The following PECAM1 variants were observed in gnomAD, a reference collection of about 807,000 sequenced individuals.
PECAM1 encodes platelet endothelial cell adhesion molecule.
Under a neutral mutation model 13.8 loss-of-function variants are expected in PECAM1, and 8 were observed. The observed-to-expected ratio is 0.58, with a 90% CI of 0.34 to 1.05. PECAM1 has a LOEUF of 1.05. Among genes scored for constraint, PECAM1 ranks in the 50% least tolerant of loss-of-function variants. The pLI, the probability that PECAM1 is intolerant of heterozygous loss-of-function variation, is 0.03. For missense variants in PECAM1, 304 were observed against 141.2 expected, an observed-to-expected ratio of 2.15 and a Z score of -5.84; for synonymous variants, 136 against 52.6, an observed-to-expected ratio of 2.58 and a Z score of -6.86.
At position 64,348,796 on chromosome 17, in the gene PECAM1, C is replaced by T. The variant is rs1318974295; in HGVS notation, c.2045-474G>A. Among the ~76,000 whole-genome samples, 27 of 152,216 alleles carry T rather than the reference C, an allele frequency of 1.8e-4. 1 individual carries two copies. The highest frequency in any genetic ancestry group is 6.5e-4 in the African/African-American group (27 of 41,556). On this transcript the variant is annotated intron_variant, in intron 12 of 15. Coordinates refer to ENST00000563924, the MANE Select transcript of PECAM1 (RefSeq NM_000442.5). ...TTTTGAGGGGGCAGCCAGACACAGGCTTAATTCCATTCGGGATGAGGAAGG... is the reference window on the plus strand; with the variant it reads ...TTTTGAGGGGGCAGCCAGACACAGGTTTAATTCCATTCGGGATGAGGAAGG...
At chr17:64,384,778 A>T (rs2036557877) in intron 2 of PECAM1, among the ~76,000 whole-genome samples, 1 of 152,266 alleles carries the variant, frequency 6.6e-6, no homozygotes, top group East Asian at 1.9e-4. Flanking sequence ...AAACTTCAGG[A>T]TAATAAATCT....
At chr17:64,376,330 A>G (rs1307624344) in intron 3 of PECAM1, among the ~76,000 whole-genome samples, 3 of 151,734 alleles carry the variant, frequency 2.0e-5, no homozygotes, top group African/African-American at 7.3e-5. Context: ...ATAAATAAAT[A>G]AATAAATAAA....
chr17:64,328,012 C>G (rs1249449163), intron 15 of PECAM1, among the ~76,000 whole-genome samples: 1 of 152,242 alleles, frequency 6.6e-6, no homozygotes, highest in Admixed American at 6.5e-5. Flanking sequence ...TTCCCAACGG[C>G]TGGAAACCCT....
At chr17:64,356,058 G>T in intron 8 of PECAM1, 53 bp downstream of exon 8, 1 of 474,866 alleles carries the variant, frequency 2.1e-6, no homozygotes. Flanking sequence ...TGTGTTTTCT[G>T]GTCTTGCCCT....
intron 7 of PECAM1, among the ~76,000 whole-genome samples, chr17:64,358,594 A>G (rs1403561389): frequency 6.6e-6 from 1 of 152,104 alleles, no homozygotes; most frequent in Non-Finnish European, 1.5e-5. Context: ...CTAAATTACT[A>G]TCACCATCAC....
intron 14 of PECAM1, among the ~76,000 whole-genome samples, chr17:64,333,675 T>C (rs4130374): frequency 0.067 from 9,791 of 146,172 alleles, 362 homozygotes; most frequent in Middle Eastern, 0.092. Context: ...TTGTAAAAAG[T>C]AAAAAAAAAA....
At chr17:64,329,838 G>C (rs1418188816) in intron 14 of PECAM1, 116 bp from the exon 15 acceptor site, 48 of 712,882 alleles carry the variant, frequency 6.7e-5, no homozygotes, top group Non-Finnish European at 1.0e-4. Flanking sequence ...CGAGAGCCAG[G>C]AGACATCAGC....
At chr17:64,373,995 G>C (rs73345131) in intron 4 of PECAM1, among the ~76,000 whole-genome samples, 7,082 of 152,072 alleles carry the variant, frequency 0.047, 555 homozygotes, top group African/African-American at 0.16. Context: ...CATTTCCCAG[G>C]CCACCTCATT....
rs1436473057 is a variant in PECAM1, at chr17:64,373,112, C to CAAATAAATAAAT, written c.691+1927_691+1938dup. ...GGGCAACAAGAGTGAAACTCTGTCTCAAATAAATAAATAAATAAATAAATA... is the reference window on the plus strand; with the variant it reads ...GGGCAACAAGAGTGAAACTCTGTCTCAAATAAATAAATAAATAAATAAATAAATAAATAAATA... On this transcript the variant is annotated intron_variant, in intron 4 of 15. Transcript: ENST00000563924. Among the ~76,000 whole-genome samples the CAAATAAATAAAT allele has an allele frequency of 5.6e-5, 8 of 142,212 alleles. No homozygotes were observed. The East Asian group carries it at 1.3e-3, about 22-fold the overall frequency. 93.3% of individuals were successfully genotyped at this position (142,212 alleles called of 152,430 possible).
At chr17:64,324,256 C>T (rs1236709341) in intron 15 of PECAM1, among the ~76,000 whole-genome samples, 2 of 152,144 alleles carry the variant, frequency 1.3e-5, no homozygotes, top group Non-Finnish European at 2.9e-5. Context: ...GTCTTAAGAC[C>T]TCAGGAGACC....
chr17:64,387,631 C>G (rs1286379074), intron 2 of PECAM1, among the ~76,000 whole-genome samples: 1 of 152,114 alleles, frequency 6.6e-6, no homozygotes, highest in Non-Finnish European at 1.5e-5. Context: ...AGCTGAGGAG[C>G]AGGGTGCATG....
At chr17:64,363,816 C>T (rs921342890) in intron 5 of PECAM1, among the ~76,000 whole-genome samples, 7 of 151,904 alleles carry the variant, frequency 4.6e-5, no homozygotes, top group East Asian at 3.9e-4. Context: ...TGGTGGTGGG[C>T]GCCTGTAATC....
At chr17:64,355,542 C>T (rs992878182) in intron 8 of PECAM1, among the ~76,000 whole-genome samples, 1 of 152,162 alleles carries the variant, frequency 6.6e-6, no homozygotes, top group African/African-American at 2.4e-5. Flanking sequence ...TCACTGCAAC[C>T]TCTACCTCCT....
chr17:64,327,377 A>T (rs1475705222), intron 15 of PECAM1, among the ~76,000 whole-genome samples: 5 of 152,206 alleles, frequency 3.3e-5, no homozygotes, highest in Non-Finnish European at 7.3e-5. Flanking sequence ...TGTCATCACC[A>T]TCTCCACTTT....
intron 14 of PECAM1, among the ~76,000 whole-genome samples, chr17:64,333,913 C>T: frequency 7.7e-6 from 1 of 129,328 alleles, no homozygotes; most frequent in Non-Finnish European, 1.6e-5. Context: ...CACTGCACTC[C>T]AGCCTGGGTG....
intron 14 of PECAM1, 33 bp downstream of exon 14, chr17:64,341,601 C>T (rs1246219169): frequency 2.3e-6 from 1 of 438,040 alleles, no homozygotes; most frequent in Non-Finnish European, 4.2e-6. Flanking sequence ...AGGGGGCATC[C>T]CCCAGGCTGG....
At position 64,322,474 on chromosome 17, in the gene PECAM1, G is replaced by T; in HGVS notation, c.*1342C>A. 1.0e-6 allele frequency: 1 copy of T among 985,428 alleles called. No homozygotes were observed. Among genetic ancestry groups the T allele is most frequent in the Non-Finnish European group, 1.2e-6 (1 of 829,950 alleles). The allele number at this position is 985,428 out of a possible 1,614,324, so 61.0% of individuals were successfully genotyped here. Reference sequence around the variant, plus strand: ...GTCCTCAGCACTATAGATGCATGTGGCCCCTCAGAAGACAACATTTCACAG... The same window carrying T: ...GTCCTCAGCACTATAGATGCATGTGTCCCCTCAGAAGACAACATTTCACAG... On this transcript the variant is annotated 3_prime_UTR_variant, in exon 16 of 16. Transcript: ENST00000563924.
intron 11 of PECAM1, 110 bp downstream of exon 11, chr17:64,352,280 T>G (rs973858221): frequency 4.8e-6 from 2 of 416,318 alleles, no homozygotes; most frequent in Non-Finnish European, 8.8e-6. Flanking sequence ...GAAGCCAGGG[T>G]TTCTCTTCCA....
Position 64,356,804 on chromosome 17 carries a change from G to A in PECAM1, c.1493-406C>T, listed in dbSNP as rs899921586. Among the ~76,000 whole-genome samples the A allele has an allele frequency of 9.6e-4, 146 of 152,018 alleles. 4 individuals carry two copies. Among genetic ancestry groups the A allele is most frequent in the Non-Finnish European group, 9.7e-4 (66 of 67,986 alleles). The stretch of plus-strand genomic sequence containing the variant: ...ACCATGCCAGGCCACAGACAATCTT[G>A]ACCCACTGCCTTCTCTAGCTATCGG... On this transcript the variant is annotated intron_variant, in intron 7 of 15. Transcript: ENST00000563924.
Sources: gnomAD v4.1 joint callset for allele counts (sites outside exome capture counted in the v4.1 genomes callset) on GRCh38, gnomAD v4.1.1 for gene constraint, MANE v1.5 for transcripts, NCBI Gene and HGNC (gene_info 2026-07-23, HGNC 2026-07-21) for gene names.